MTMR4: variants seen among roughly 807,000 people sequenced by gnomAD.
MTMR4 encodes myotubularin related protein 4.
Under a neutral mutation model 125.5 loss-of-function variants are expected in MTMR4, and 30 were observed. The ratio of observed to expected loss-of-function variants is 0.24; its 90% CI spans 0.18 to 0.32. The LOEUF (loss-of-function observed/expected upper bound fraction) is 0.32, where lower values mean the gene tolerates loss of function less well. MTMR4 is among the 10% of genes least tolerant of loss of function. MTMR4 has a pLI of 1.00. For missense variants in MTMR4, 1,039 were observed against 1,511.5 expected (o/e 0.69, Z 5.18); for synonymous variants, 498 against 564.5 (o/e 0.88, Z 1.67).
rs1975961883 is a variant in MTMR4, at chr17:58,512,574, G to C, written c.136-68C>G. 6 of 1,270,824 alleles carry C rather than the reference G, an allele frequency of 4.7e-6. No individual in the cohort carries two copies. Among genetic ancestry groups the C allele is most frequent in the Non-Finnish European group, 5.7e-6 (5 of 873,962 alleles). 78.7% of individuals were successfully genotyped at this position (1,270,824 alleles called of 1,614,324 possible). A position where few individuals can be genotyped will look rare whatever the true frequency, so the allele number is the denominator to read the frequency against. On this transcript the variant is annotated intron_variant, in intron 2 of 17. Transcript: ENST00000682306. This position sits in a 1 kb window ranked among gnomAD's most constrained non-coding sequence, Gnocchi z 4.1. Reference sequence around the variant, plus strand: ...CACCTTATCCTCTTCTACAGCCCCTGATCTGTGGGATCCCCTCTGGAAAAG... The same window carrying C: ...CACCTTATCCTCTTCTACAGCCCCTCATCTGTGGGATCCCCTCTGGAAAAG...
In MTMR4 at chr17:58,495,035, A is replaced by G. The variant is rs1012659468; in HGVS notation, c.3149T>C (p.Val1050Ala). 26 of 1,613,800 alleles carry G rather than the reference A, an allele frequency of 1.6e-5. No homozygotes were observed. The highest frequency in any genetic ancestry group is 2.2e-5 in the Non-Finnish European group (26 of 1,180,000). The stretch of plus-strand genomic sequence containing the variant: ...ACGCACCTGTCGACGTAGCTGCTCC[A>G]CCTCTTGTTTGTACCCTGCTTCGAT... ...RQIEAGYKQEVEQLRRQVREL... is the reference protein window; with the variant it reads ...RQIEAGYKQEAEQLRRQVREL... Residue 1050 changes from valine (V) to alanine (A), a missense_variant, in exon 15 of 18, where the codon GTG (valine) becomes GCG (alanine). Physicochemically the swap from Val to Ala is moderately conservative, Grantham distance 64 (BLOSUM62 0). Transcript: ENST00000682306.
intron 1 of MTMR4, among the ~76,000 whole-genome samples, chr17:58,513,231 G>T (rs936095855): frequency 7.8e-4 from 118 of 152,220 alleles, no homozygotes; most frequent in Non-Finnish European, 1.4e-3. Flanking sequence ...AAAAATGGAG[G>T]AGAGAAAACT....
Position 58,505,528 on chromosome 17 carries a change from G to T in MTMR4, c.1089C>A (p.Ile363=). The change falls in exon 10 of 18, where the codon ATC becomes ATA. Residue 363 remains isoleucine (I), a synonymous_variant. Coordinates refer to ENST00000682306, the MANE Select transcript of MTMR4 (RefSeq NM_001378067.1). ...CCCGGAGGTACTGAAAGCTGTTCCG[G>T]ATGGCATGGATGTTGGCCATTCCCA... ...VFMGMANIHA[I]RNSFQYLRAV... 3 of 1,613,182 alleles carry T rather than the reference G, an allele frequency of 1.9e-6. No individual in the cohort carries two copies. Among genetic ancestry groups the T allele is most frequent in the Non-Finnish European group, 2.5e-6 (3 of 1,179,448 alleles).
At position 58,508,369 on chromosome 17, in the gene MTMR4, C is replaced by A; in HGVS notation, c.594-95G>T. 1 of 1,538,268 alleles carries A rather than the reference C, an allele frequency of 6.5e-7. No homozygotes were observed. Among genetic ancestry groups the A allele is most frequent in the Non-Finnish European group, 9.0e-7 (1 of 1,111,618 alleles). On this transcript the variant is annotated intron_variant, in intron 6 of 17. Coordinates refer to ENST00000682306, the MANE Select transcript of MTMR4 (RefSeq NM_001378067.1). The surrounding 1 kb of genome is among the most constrained non-coding windows in gnomAD (Gnocchi z 4.8). The stretch of plus-strand genomic sequence containing the variant: ...GCTTTGTGGGAAGAGAAACCATGAG[C>A]CTTCCTCCCTCTCAGACTCAGAAGC...
At chr17:58,493,023 A>C (rs1376210262) in intron 15 of MTMR4, 71 bp from the exon 16 acceptor site, 2 of 1,280,312 alleles carry the variant, frequency 1.6e-6, no homozygotes, top group African/African-American at 2.9e-5. Flanking sequence ...TGTGTCAGGC[A>C]CTGTGCTAAG....
intron 8 of MTMR4, 24 bp downstream of exon 8, chr17:58,507,099 G>T: frequency 6.2e-7 from 1 of 1,613,528 alleles, no homozygotes; most frequent in Non-Finnish European, 8.5e-7. Flanking sequence ...GCTCCCTGGG[G>T]GGTTAGCATC....
At chr17:58,509,081 G>A (rs1455315388) in intron 4 of MTMR4, among the ~76,000 whole-genome samples, 12 of 152,130 alleles carry the variant, frequency 7.9e-5, no homozygotes, top group South Asian at 2.1e-4. Flanking sequence ...TTATCCTCTC[G>A]AATGGGGCGC....
intron 4 of MTMR4, 29 bp downstream of exon 4, chr17:58,511,400 G>A (rs1298016650): frequency 6.3e-7 from 1 of 1,584,460 alleles, no homozygotes; most frequent in Non-Finnish European, 8.6e-7. Context: ...TAGGGCCAGG[G>A]GACCTGAGTG....
At chr17:58,497,330 G>C (rs1409463087) in intron 14 of MTMR4, among the ~76,000 whole-genome samples, 1 of 152,078 alleles carries the variant, frequency 6.6e-6, no homozygotes, top group Non-Finnish European at 1.5e-5. Context: ...GACGAATTTT[G>C]ATTTTTTTAA....
intron 14 of MTMR4, among the ~76,000 whole-genome samples, chr17:58,498,399 G>T (rs1378729234): frequency 6.6e-6 from 1 of 151,628 alleles, no homozygotes; most frequent in African/African-American, 2.4e-5. Flanking sequence ...CAAGGAGAGA[G>T]AGCTCATCCA....
At chr17:58,516,598 G>C (rs1195187309), upstream of MTMR4, 3 of 1,613,998 alleles carry the variant, frequency 1.9e-6, no homozygotes, top group Non-Finnish European at 2.5e-6. Context: ...CGTGGCAAGG[G>C]TACTGGCTGC....
chr17:58,501,620 ATG>A (rs1227503283), intron 14 of MTMR4, among the ~76,000 whole-genome samples: 1 of 151,446 alleles, frequency 6.6e-6, no homozygotes, highest in Non-Finnish European at 1.5e-5. Flanking sequence ...GTATATGTCT[ATG>A]TATATACGTA....
Position 58,495,953 on chromosome 17 carries a change from C to T in MTMR4, c.2231G>A (p.Gly744Glu). The T allele has an allele frequency of 6.2e-7, 1 of 1,614,132 alleles. No individual in the cohort carries two copies. Among genetic ancestry groups the T allele is most frequent in the Non-Finnish European group, 8.5e-7 (1 of 1,180,042 alleles). Residue 744 changes from glycine (G) to glutamate (E), a missense_variant, in exon 15 of 18, where the codon GGA (glycine) becomes GAA (glutamate). Around this residue, in one of 6 missense-constraint regions of MTMR4, gnomAD observed 619 missense variants for 714.5 expected, o/e 0.87. Coordinates refer to ENST00000682306, the MANE Select transcript of MTMR4 (RefSeq NM_001378067.1). ...PEIKVLEETK[G>E]PAPDPSAQDE... ...CTGGGCAGAAGGGTCTGGAGCTGGTCCCTTAGTCTCTTCTAGGACTTTGAT... is the reference window on the plus strand; with the variant it reads ...CTGGGCAGAAGGGTCTGGAGCTGGTTCCTTAGTCTCTTCTAGGACTTTGAT...
At chr17:58,511,350 G>T in intron 4 of MTMR4, 79 bp downstream of exon 4, 1 of 1,237,560 alleles carries the variant, frequency 8.1e-7, no homozygotes, top group Non-Finnish European at 1.1e-6. Context: ...TTCCTCTCTT[G>T]CACCAGAGAA....
chr17:58,516,754 C>A (rs1220514809), upstream of MTMR4: 1 of 757,066 alleles, frequency 1.3e-6, no homozygotes. Context: ...AGTCTCTCCA[C>A]AAGTCACCAT....
intron 1 of MTMR4, among the ~76,000 whole-genome samples, 183 bp from the exon 2 acceptor site, chr17:58,513,124 A>T (rs572344112): frequency 2.0e-4 from 31 of 152,224 alleles, no homozygotes; most frequent in Non-Finnish European, 4.0e-4. Context: ...AATGGAGAGC[A>T]TATCAGCCTA....
Position 58,504,724 on chromosome 17 carries a change from C to A in MTMR4, c.1341+55G>T. ...CCCAGGACAGATCCAGAGGGCTCAACACCTTCCCTCCTGCCACATTCCTTC... is the reference window on the plus strand; with the variant it reads ...CCCAGGACAGATCCAGAGGGCTCAAAACCTTCCCTCCTGCCACATTCCTTC... On this transcript the variant is annotated intron_variant, in intron 11 of 17. Transcript: ENST00000682306. This position sits in a 1 kb window ranked among gnomAD's most constrained non-coding sequence, Gnocchi z 7.1. 1 of 1,543,274 alleles carries A rather than the reference C, an allele frequency of 6.5e-7. No individual in the cohort carries two copies. The highest frequency in any genetic ancestry group is 8.8e-7 in the Non-Finnish European group (1 of 1,135,808).
Position 58,512,589 on chromosome 17 carries a change from C to T in MTMR4, c.136-83G>A, listed in dbSNP as rs955954489. The T allele has an allele frequency of 8.2e-7, 1 of 1,214,578 alleles. No individual in the cohort carries two copies. The highest frequency in any genetic ancestry group is 1.2e-6 in the Non-Finnish European group (1 of 828,174). 75.2% of individuals were successfully genotyped at this position (1,214,578 alleles called of 1,614,324 possible). On this transcript the variant is annotated intron_variant, in intron 2 of 17. Transcript: ENST00000682306. This position sits in a 1 kb window ranked among gnomAD's most constrained non-coding sequence, Gnocchi z 4.1. ...TACAGCCCCTGATCTGTGGGATCCC[C>T]TCTGGAAAAGGTGGGCCAAGGCAAG...
chr17:58,505,376 C>T, intron 10 of MTMR4, 96 bp downstream of exon 10: 1 of 1,081,108 alleles, frequency 9.2e-7, no homozygotes, highest in Non-Finnish European at 1.4e-6. Context: ...AGGTCTCCTG[C>T]TCTCCAAACT....
Sources: gnomAD v4.1 joint callset for allele counts (sites outside exome capture counted in the v4.1 genomes callset) on GRCh38, gnomAD v4.1.1 for gene constraint, gnomAD v4.1.1 regional missense constraint, Gnocchi (gnomAD v3.1) non-coding constraint, MANE v1.5 for transcripts, NCBI Gene and HGNC (gene_info 2026-07-23, HGNC 2026-07-21) for gene names.